Variants in RABGAP1 observed in about 807,000 individuals in gnomAD.
RABGAP1 encodes the protein RAB GTPase activating protein 1.
RABGAP1 carries 23 observed loss-of-function variants against 137.6 expected under a neutral mutation model. That is an observed-to-expected ratio of 0.17 (90% CI 0.12 to 0.24). The LOEUF (loss-of-function observed/expected upper bound fraction) is 0.24, where lower values mean the gene tolerates loss of function less well. RABGAP1 is among the 10% of genes least tolerant of loss of function. The pLI is 1.00. For synonymous variants in RABGAP1, 451 were observed against 450.7 expected, an observed-to-expected ratio of 1.00 and a Z score of -0.01; for missense variants, 906 against 1,275.8, an observed-to-expected ratio of 0.71 and a Z score of 4.42.
upstream of RABGAP1, chr9:122,938,636 CTG>C (rs1273657241): frequency 7.9e-5 from 12 of 152,110 alleles, no homozygotes; most frequent in Non-Finnish European, 1.5e-5. Context: ...TAGCATAACT[CTG>C]TAAGATACAA....
At chr9:122,959,923 G>A (rs972625682) in intron 2 of RABGAP1, among the ~76,000 whole-genome samples, 1 of 152,218 alleles carries the variant, frequency 6.6e-6, no homozygotes, top group Non-Finnish European at 1.5e-5. Flanking sequence ...GTGACACACA[G>A]TGTGTCATTG....
intron 2 of RABGAP1, among the ~76,000 whole-genome samples, chr9:122,967,692 C>A (rs1261598179): frequency 6.6e-6 from 1 of 151,906 alleles, no homozygotes; most frequent in Non-Finnish European, 1.5e-5. Flanking sequence ...CCTCAGGTAT[C>A]TTCCGAAGAA....
intron 14 of RABGAP1, among the ~76,000 whole-genome samples, chr9:123,067,844 CCTTT>C (rs1390170256): frequency 6.6e-6 from 1 of 152,202 alleles, no homozygotes; most frequent in East Asian, 1.9e-4. Context: ...GTATATGATT[CCTTT>C]ATCGTCCATC....
chr9:123,033,952 G>C (rs2032456583), intron 13 of RABGAP1, among the ~76,000 whole-genome samples: 1 of 152,156 alleles, frequency 6.6e-6, no homozygotes. Context: ...TAATCTGACT[G>C]TGATTGGTTT....
At chr9:122,988,568 A>G (rs79025721) in intron 4 of RABGAP1, among the ~76,000 whole-genome samples, 1 of 151,848 alleles carries the variant, frequency 6.6e-6, no homozygotes, top group African/African-American at 2.4e-5. Flanking sequence ...TCAAAAAAAA[A>G]CTTGTTTCAG....
chr9:123,074,613 G>T (rs2034457128), intron 17 of RABGAP1, among the ~76,000 whole-genome samples, 185 bp downstream of exon 17: 1 of 152,200 alleles, frequency 6.6e-6, no homozygotes, highest in Admixed American at 6.5e-5. Flanking sequence ...TTTGTTAAAG[G>T]TGTACTCTGA....
At chr9:123,004,475 G>A (rs1008078169) in intron 10 of RABGAP1, among the ~76,000 whole-genome samples, 1 of 151,856 alleles carries the variant, frequency 6.6e-6, no homozygotes, top group Non-Finnish European at 1.5e-5. Flanking sequence ...TGGAGAGACG[G>A]AGTTTCACCA....
At chr9:122,980,430 C>G (rs1835984108) in intron 2 of RABGAP1, among the ~76,000 whole-genome samples, 1 of 152,142 alleles carries the variant, frequency 6.6e-6, no homozygotes, top group Non-Finnish European at 1.5e-5. Context: ...ACATTTTGTT[C>G]TGTGTCACTT....
At chr9:123,034,335 C>A (rs983183958) in intron 13 of RABGAP1, 1 of 550,286 alleles carries the variant, frequency 1.8e-6, no homozygotes, top group Admixed American at 3.5e-5. Context: ...ATGGCCGCGT[C>A]TGGGACTGGC....
chr9:123,075,035 G>A (rs1159261798), intron 17 of RABGAP1, among the ~76,000 whole-genome samples: 2 of 152,146 alleles, frequency 1.3e-5, no homozygotes, highest in African/African-American at 2.4e-5. Flanking sequence ...AGATATTAGA[G>A]TAAATAACAG....
Position 122,977,549 on chromosome 9 carries a change from T to G in RABGAP1, c.151-6936T>G, listed in dbSNP as rs909338547. ...AAACCCACCCCATCTCTACCAAAAA[T>G]ACAAAAATCAGCTGGGCGTGATGGC... is the stretch of plus-strand genomic sequence containing the variant. On this transcript the variant is annotated intron_variant, in intron 2 of 25. Coordinates refer to ENST00000373647, the MANE Select transcript of RABGAP1 (RefSeq NM_012197.4). 5.9e-5 allele frequency among the ~76,000 whole-genome samples: 9 copies of G among 151,954 alleles called. No homozygotes were observed. The East Asian group carries it at 1.7e-3, about 29-fold the overall frequency.
chr9:123,054,237 A>G (rs2132073476), intron 13 of RABGAP1, among the ~76,000 whole-genome samples: 1 of 152,338 alleles, frequency 6.6e-6, no homozygotes, highest in Admixed American at 6.5e-5. Flanking sequence ...AATAAATCAC[A>G]AGAACAGAGC....
intron 1 of RABGAP1, among the ~76,000 whole-genome samples, chr9:122,947,734 T>C (rs1221712037): frequency 6.6e-6 from 1 of 152,224 alleles, no homozygotes; most frequent in African/African-American, 2.4e-5. Flanking sequence ...CCAAGATGAT[T>C]GTTTTGATTC....
intron 21 of RABGAP1, among the ~76,000 whole-genome samples, chr9:123,091,259 GT>G (rs148147873): frequency 0.033 from 5,067 of 152,264 alleles, 137 homozygotes; most frequent in African/African-American, 0.068. Flanking sequence ...GGCTCAGGCT[GT>G]TGAGGATTTT....
chr9:122,948,574 T>C lies in RABGAP1; in HGVS notation c.-50+7481T>C, dbSNP rs181415103. 7.9e-5 allele frequency among the ~76,000 whole-genome samples: 12 copies of C among 152,334 alleles called. No individual in the cohort carries two copies. The East Asian group carries it at 2.1e-3, about 27-fold the overall frequency. ...ACTCAAGAAGTAATAAGTATTGTTT[T>C]CTCTTTTGATTTAGCAAGATGATTT... On this transcript the variant is annotated intron_variant, in intron 1 of 25. Coordinates refer to ENST00000373647, the MANE Select transcript of RABGAP1 (RefSeq NM_012197.4).
intron 8 of RABGAP1, 79 bp downstream of exon 8, chr9:122,996,684 G>C: frequency 1.7e-6 from 2 of 1,176,188 alleles, no homozygotes; most frequent in Non-Finnish European, 2.5e-6. Flanking sequence ...TCTGAATCTA[G>C]TGTTAAAACA....
chr9:122,973,598 A>G (rs867452728), intron 2 of RABGAP1, among the ~76,000 whole-genome samples: 3 of 152,312 alleles, frequency 2.0e-5, no homozygotes, highest in Non-Finnish European at 1.5e-5. Flanking sequence ...TCTAATTGAC[A>G]TTATTTAGAT....
chr9:122,954,632 C>T (rs1242317483), intron 1 of RABGAP1, among the ~76,000 whole-genome samples: 2 of 151,970 alleles, frequency 1.3e-5, no homozygotes, highest in East Asian at 3.9e-4. Context: ...CTGGTAATCA[C>T]ATTATAAAAG....
intron 11 of RABGAP1, 51 bp downstream of exon 11, chr9:123,010,579 A>C: frequency 6.6e-7 from 1 of 1,517,322 alleles, no homozygotes. Flanking sequence ...AGACCATGCA[A>C]ACTATTAAAA....
Sources: allele counts gnomAD v4.1 joint callset (sites outside exome capture counted in the v4.1 genomes callset), GRCh38; gene constraint gnomAD v4.1.1; transcripts MANE v1.5; gene names NCBI Gene and HGNC (gene_info 2026-07-23, HGNC 2026-07-21).